The following TBC1D22A variants were observed in gnomAD, a reference collection of about 807,000 sequenced individuals.
TBC1D22A encodes the protein putative GTPase activator.
In TBC1D22A, 38 loss-of-function variants were observed where a neutral mutation model predicts 60.2. The observed-to-expected ratio is 0.63, with a 90% CI of 0.49 to 0.83. TBC1D22A has a LOEUF of 0.83. Among genes scored for constraint, TBC1D22A ranks in the 40% least tolerant of loss-of-function variants. The probability of loss-of-function intolerance (pLI) is 0.00; values close to 1 mark genes in which losing one functional copy is unlikely to be tolerated. For missense variants in TBC1D22A, 628 were observed against 701.0 expected (o/e 0.90, Z 1.18); for synonymous variants, 302 against 281.7 (o/e 1.07, Z -0.72).
chr22:46,861,699 C>T (rs945823739), intron 4 of TBC1D22A, among the ~76,000 whole-genome samples: 25 of 152,242 alleles, frequency 1.6e-4, no homozygotes, highest in East Asian at 7.7e-4. Context: ...CATGTCCCCC[C>T]GCTCAGAACC....
intron 10 of TBC1D22A, 140 bp downstream of exon 10, chr22:46,997,849 GC>G: frequency 1.5e-6 from 1 of 667,822 alleles, no homozygotes; most frequent in South Asian, 1.8e-5. Flanking sequence ...TTCTGAGACA[GC>G]TGCTGGTGCG....
intron 4 of TBC1D22A, among the ~76,000 whole-genome samples, chr22:46,847,269 G>A (rs1037492654): frequency 6.6e-6 from 1 of 152,156 alleles, no homozygotes; most frequent in East Asian, 1.9e-4. Context: ...GGGAGACCTG[G>A]GAGGCAGGAG....
chr22:46,809,737 G>A lies in TBC1D22A; in HGVS notation c.637+12117G>A, dbSNP rs2085302520. Among the ~76,000 whole-genome samples the A allele has an allele frequency of 2.6e-5, 4 of 152,136 alleles. No homozygotes were observed. The South Asian group carries it at 8.3e-4, about 32-fold the overall frequency. On this transcript the variant is annotated intron_variant, in intron 4 of 12. Coordinates refer to ENST00000337137, the MANE Select transcript of TBC1D22A (RefSeq NM_014346.5). ...AATGTCAGAGGCCTCCATAGTGTTTGGGAGGCGTGATGAGGCCATCTGCGG... is the reference window on the plus strand; with the variant it reads ...AATGTCAGAGGCCTCCATAGTGTTTAGGAGGCGTGATGAGGCCATCTGCGG...
At chr22:46,800,506 G>C (rs1332192575) in intron 4 of TBC1D22A, among the ~76,000 whole-genome samples, 2 of 152,158 alleles carry the variant, frequency 1.3e-5, no homozygotes, top group Admixed American at 6.5e-5. Context: ...GTTGCACCTG[G>C]GAGAGTGGGT....
intron 11 of TBC1D22A, among the ~76,000 whole-genome samples, chr22:47,058,793 G>A (rs542798525): frequency 2.0e-5 from 3 of 152,100 alleles, no homozygotes; most frequent in East Asian, 1.9e-4. Flanking sequence ...TGACCCAGCC[G>A]TGTTGCTCTG....
At chr22:47,122,674 G>C (rs1162852267) in intron 12 of TBC1D22A, among the ~76,000 whole-genome samples, 1 of 152,236 alleles carries the variant, frequency 6.6e-6, no homozygotes, top group African/African-American at 2.4e-5. Flanking sequence ...GTTCTCTTGG[G>C]CATCTGTGAT....
Position 47,075,535 on chromosome 22 carries a change from A to C in TBC1D22A, c.1330-35973A>C, listed in dbSNP as rs185960072. ...CATCCCTCAGTGTTAAAGGGTGACCACTATAAATGAGTAGAAATATAATAT... is the reference window on the plus strand; with the variant it reads ...CATCCCTCAGTGTTAAAGGGTGACCCCTATAAATGAGTAGAAATATAATAT... On this transcript the variant is annotated intron_variant, in intron 11 of 12. Coordinates refer to ENST00000337137, the MANE Select transcript of TBC1D22A (RefSeq NM_014346.5). Among the ~76,000 whole-genome samples the C allele has an allele frequency of 2.6e-5, 4 of 152,288 alleles. No homozygotes were observed. In the East Asian group the frequency reaches 7.7e-4, roughly 29 times the overall value.
chr22:47,025,025 A>G (rs892936215), intron 10 of TBC1D22A, among the ~76,000 whole-genome samples: 1 of 152,256 alleles, frequency 6.6e-6, no homozygotes, highest in Admixed American at 6.5e-5. Flanking sequence ...TATCAAGAGG[A>G]TCATTTCATA....
At chr22:47,046,659 G>A (rs1032826652) in intron 11 of TBC1D22A, among the ~76,000 whole-genome samples, 1 of 152,196 alleles carries the variant, frequency 6.6e-6, no homozygotes, top group Admixed American at 6.5e-5. Flanking sequence ...GGCTGAACAC[G>A]AAACATACCT....
intron 4 of TBC1D22A, among the ~76,000 whole-genome samples, chr22:46,865,324 C>G (rs971868225): frequency 1.3e-5 from 2 of 152,250 alleles, no homozygotes; most frequent in Non-Finnish European, 2.9e-5. Context: ...GCTGCTTCCT[C>G]TCTAGCTGCA....
At position 47,113,745 on chromosome 22, in the gene TBC1D22A, G is replaced by A. The variant is rs995967589; in HGVS notation, c.1425+2142G>A. On this transcript the variant is annotated intron_variant, in intron 12 of 12. Transcript: ENST00000337137. ...ACACACTGGCCGTGGGAGCTTGTGG[G>A]CGGGGTTTCTTCCTGTTGTGAATAC... is the stretch of plus-strand genomic sequence containing the variant. Among the ~76,000 whole-genome samples, 6 of 152,218 alleles carry A rather than the reference G, an allele frequency of 3.9e-5. 1 individual carries two copies. The highest frequency in any genetic ancestry group is 7.3e-5 in the Non-Finnish European group (5 of 68,042).
chr22:47,108,454 G>A lies in TBC1D22A; in HGVS notation c.1330-3054G>A, dbSNP rs2065720400. On this transcript the variant is annotated intron_variant, in intron 11 of 12. Coordinates refer to ENST00000337137, the MANE Select transcript of TBC1D22A (RefSeq NM_014346.5). Reference sequence around the variant, plus strand: ...TGGAAAAGCCAGACCAAAACCAAATGTGTATTATATGATTCCCTTTATTTG... The same window carrying A: ...TGGAAAAGCCAGACCAAAACCAAATATGTATTATATGATTCCCTTTATTTG... 3.3e-5 allele frequency among the ~76,000 whole-genome samples: 5 copies of A among 152,314 alleles called. No homozygotes were observed. The South Asian group carries it at 1.0e-3, about 32-fold the overall frequency.
At chr22:47,135,307 T>G (rs898243692) in intron 12 of TBC1D22A, among the ~76,000 whole-genome samples, 1 of 152,160 alleles carries the variant, frequency 6.6e-6, no homozygotes, top group Non-Finnish European at 1.5e-5. Flanking sequence ...TCTTCGCTGA[T>G]TCCTTCATTT....
At chr22:46,924,099 C>G (rs981914940) in intron 8 of TBC1D22A, among the ~76,000 whole-genome samples, 1 of 152,210 alleles carries the variant, frequency 6.6e-6, no homozygotes, top group African/African-American at 2.4e-5. Flanking sequence ...TTAGCTTAAA[C>G]ATTTTTAGCA....
chr22:47,132,476 C>G (rs1157543400), intron 12 of TBC1D22A, among the ~76,000 whole-genome samples: 1 of 152,056 alleles, frequency 6.6e-6, no homozygotes, highest in Admixed American at 6.6e-5. Flanking sequence ...CCCGCTGCTA[C>G]CTGGCTGCTT....
At chr22:47,045,126 T>C (rs2062987276) in intron 11 of TBC1D22A, among the ~76,000 whole-genome samples, 1 of 152,244 alleles carries the variant, frequency 6.6e-6, no homozygotes, top group African/African-American at 2.4e-5. Flanking sequence ...GTGATTTGTA[T>C]AATGTTTTGG....
intron 11 of TBC1D22A, among the ~76,000 whole-genome samples, chr22:47,071,259 C>T (rs1456174882): frequency 6.6e-6 from 1 of 152,244 alleles, no homozygotes; most frequent in African/African-American, 2.4e-5. Flanking sequence ...TTGTTTAAGC[C>T]TCCCAGGAGC....
intron 11 of TBC1D22A, among the ~76,000 whole-genome samples, chr22:47,099,182 T>C (rs1186424469): frequency 6.6e-6 from 1 of 152,110 alleles, no homozygotes; most frequent in Non-Finnish European, 1.5e-5. Flanking sequence ...CAGACCCTGC[T>C]CTTCAGAGCC....
At chr22:47,001,216 A>T (rs921787122) in intron 10 of TBC1D22A, among the ~76,000 whole-genome samples, 1 of 151,962 alleles carries the variant, frequency 6.6e-6, no homozygotes, top group African/African-American at 2.4e-5. Context: ...TCTATACTGG[A>T]GTTCCCCAGA....
Sources: gnomAD v4.1 joint callset for allele counts (sites outside exome capture counted in the v4.1 genomes callset) on GRCh38, gnomAD v4.1.1 for gene constraint, MANE v1.5 for transcripts, NCBI Gene and HGNC (gene_info 2026-07-23, HGNC 2026-07-21) for gene names.